The following CPQ variants were observed in gnomAD, a reference collection of about 807,000 sequenced individuals.
CPQ encodes the protein Ser-Met dipeptidase.
CPQ carries 37 observed loss-of-function variants against 45.7 expected under a neutral mutation model. That is an observed-to-expected ratio of 0.81 (90% CI 0.62 to 1.07). The LOEUF (loss-of-function observed/expected upper bound fraction) is 1.07, where lower values mean the gene tolerates loss of function less well. CPQ is among the 50% of genes least tolerant of loss of function. The pLI is 0.00. For synonymous variants in CPQ, 186 were observed against 205.8 expected (o/e 0.90, Z 0.82); for missense variants, 537 against 572.9 (o/e 0.94, Z 0.64).
chr8:97,015,896 T>C (rs922405892), intron 5 of CPQ, among the ~76,000 whole-genome samples: 1 of 152,156 alleles, frequency 6.6e-6, no homozygotes, highest in African/African-American at 2.4e-5. Flanking sequence ...CTACTATTGT[T>C]TACATACATT....
chr8:96,746,670 A>G (rs577410973), intron 1 of CPQ, among the ~76,000 whole-genome samples: 1 of 152,316 alleles, frequency 6.6e-6, no homozygotes, highest in African/African-American at 2.4e-5. Context: ...GGTATCCAGT[A>G]GTGGCAGTTG....
chr8:97,054,107 T>C (rs1027119823), intron 6 of CPQ, among the ~76,000 whole-genome samples: 8 of 151,992 alleles, frequency 5.3e-5, no homozygotes, highest in African/African-American at 1.2e-4. Context: ...GTAAAAAGTA[T>C]AGAGTTCAAT....
chr8:96,921,994 G>T (rs541459713), intron 4 of CPQ, among the ~76,000 whole-genome samples: 23 of 152,194 alleles, frequency 1.5e-4, no homozygotes, highest in Admixed American at 5.9e-4. Context: ...AAGTTCATGT[G>T]TATTATATTA....
chr8:96,916,203 T>TGGTTG (rs951450525), intron 4 of CPQ, among the ~76,000 whole-genome samples: 1 of 152,100 alleles, frequency 6.6e-6, no homozygotes, highest in Non-Finnish European at 1.5e-5. Flanking sequence ...TGGCCCAAAT[T>TGGTTG]GGTTGGTTTT....
chr8:97,053,443 G>A (rs1192593767), intron 6 of CPQ, among the ~76,000 whole-genome samples: 2 of 152,146 alleles, frequency 1.3e-5, no homozygotes, highest in African/African-American at 4.8e-5. Context: ...GGTAATATTT[G>A]GTTAAGACCT....
chr8:96,761,126 G>A (rs1419315129), intron 1 of CPQ: 10 of 152,198 alleles, frequency 6.6e-5, no homozygotes, highest in African/African-American at 2.2e-4. Flanking sequence ...GTCAAAATGT[G>A]GAAGTGGTGG....
rs113003104 is a variant in CPQ, at chr8:97,002,010, C to T, written c.962-27393C>T. On this transcript the variant is annotated intron_variant, in intron 5 of 7. Coordinates refer to ENST00000220763, the MANE Select transcript of CPQ (RefSeq NM_016134.4). ...TCAGTCTTGGGAGGGTGTATGTATC[C>T]AGGAATTTATTCATTTCTTCTAGAT... Among the ~76,000 whole-genome samples, 533 of 151,846 alleles carry T rather than the reference C, an allele frequency of 3.5e-3. 1 individual carries two copies. The highest frequency in any genetic ancestry group is 0.014 in the Middle Eastern group (4 of 294).
At chr8:96,784,720 G>A (rs1810737435) in intron 1 of CPQ, 144 bp from the exon 2 acceptor site, 1 of 612,360 alleles carries the variant, frequency 1.6e-6, no homozygotes. Context: ...ATTCCTCAGA[G>A]TAACAGTGCC....
At chr8:97,001,368 T>C (rs1809276881) in intron 5 of CPQ, among the ~76,000 whole-genome samples, 1 of 152,194 alleles carries the variant, frequency 6.6e-6, no homozygotes, top group African/African-American at 2.4e-5. Flanking sequence ...CAGTATGATG[T>C]TGGCTGTGGG....
At chr8:97,064,222 G>A (rs1810600041) in intron 6 of CPQ, among the ~76,000 whole-genome samples, 1 of 152,104 alleles carries the variant, frequency 6.6e-6, no homozygotes, top group Non-Finnish European at 1.5e-5. Context: ...GTTTTCATTT[G>A]CAAGATATAT....
chr8:96,968,760 T>G (rs968646458), intron 5 of CPQ, among the ~76,000 whole-genome samples: 2 of 152,228 alleles, frequency 1.3e-5, no homozygotes, highest in Non-Finnish European at 2.9e-5. Context: ...ATCTTCTTCT[T>G]TGTCTTCCCC....
chr8:96,731,364 A>G (rs1467336528), intron 1 of CPQ, among the ~76,000 whole-genome samples: 2 of 152,168 alleles, frequency 1.3e-5, no homozygotes, highest in African/African-American at 4.8e-5. Flanking sequence ...CCTCCAGGCT[A>G]CTGCAAGCTT....
At chr8:96,791,613 C>A (rs1810846997) in intron 2 of CPQ, among the ~76,000 whole-genome samples, 1 of 152,184 alleles carries the variant, frequency 6.6e-6, no homozygotes, top group Non-Finnish European at 1.5e-5. Flanking sequence ...AGTAGATAAA[C>A]AGTTGTCTGG....
chr8:96,675,724 T>C (rs1287495307), intron 1 of CPQ, among the ~76,000 whole-genome samples: 2 of 152,022 alleles, frequency 1.3e-5, no homozygotes, highest in Admixed American at 6.6e-5. Flanking sequence ...CTTAGTAATG[T>C]GATGGAGGGG....
At chr8:97,097,391 A>G (rs1434595302) in intron 7 of CPQ, among the ~76,000 whole-genome samples, 1 of 152,152 alleles carries the variant, frequency 6.6e-6, no homozygotes, top group African/African-American at 2.4e-5. Flanking sequence ...GATGCCTTAC[A>G]TATGGAATAT....
chr8:96,999,118 A>G (rs749898923), intron 5 of CPQ, among the ~76,000 whole-genome samples: 2 of 151,984 alleles, frequency 1.3e-5, no homozygotes, highest in Non-Finnish European at 2.9e-5. Flanking sequence ...AGAGAAACTG[A>G]TTCACTTGCC....
intron 1 of CPQ, among the ~76,000 whole-genome samples, chr8:96,739,937 T>C (rs1447968628): frequency 1.3e-5 from 2 of 152,196 alleles, no homozygotes; most frequent in Non-Finnish European, 2.9e-5. Context: ...ATTGACTTGA[T>C]GATGCGGGCT....
At chr8:96,859,085 T>G (rs541576599) in intron 3 of CPQ, among the ~76,000 whole-genome samples, 1 of 152,310 alleles carries the variant, frequency 6.6e-6, no homozygotes, top group South Asian at 2.1e-4. Flanking sequence ...CTATTGATGC[T>G]CCATAGGTTT....
intron 5 of CPQ, among the ~76,000 whole-genome samples, chr8:97,014,791 A>G (rs1266475620): frequency 6.6e-6 from 1 of 152,198 alleles, no homozygotes; most frequent in East Asian, 1.9e-4. Flanking sequence ...AGATAACTTC[A>G]TAACTAATTT....
Sources: gnomAD v4.1 joint callset for allele counts (sites outside exome capture counted in the v4.1 genomes callset) on GRCh38, gnomAD v4.1.1 for gene constraint, MANE v1.5 for transcripts, NCBI Gene and HGNC (gene_info 2026-07-23, HGNC 2026-07-21) for gene names.